Variants in FAF1 observed in about 807,000 individuals in gnomAD.
FAF1 encodes FAS-associated factor 1.
In FAF1, 25 loss-of-function variants were observed where a neutral mutation model predicts 92.5. The observed-to-expected ratio is 0.27, with a 90% CI of 0.20 to 0.38. The LOEUF (loss-of-function observed/expected upper bound fraction) is 0.38, where lower values mean the gene tolerates loss of function less well. Ranked by LOEUF, FAF1 falls within the 10% of genes least tolerant of loss-of-function variation. The probability of loss-of-function intolerance (pLI) is 1.00; values close to 1 mark genes in which losing one functional copy is unlikely to be tolerated. For missense variants in FAF1, 636 were observed against 793.3 expected, an observed-to-expected ratio of 0.80 and a Z score of 2.38; for synonymous variants, 234 against 273.2, an observed-to-expected ratio of 0.86 and a Z score of 1.42.
At chr1:50,662,056 C>G (rs1453642780) in intron 7 of FAF1, among the ~76,000 whole-genome samples, 1 of 152,120 alleles carries the variant, frequency 6.6e-6, no homozygotes, top group Admixed American at 6.6e-5. Flanking sequence ...CCCCTTCCCC[C>G]AGGGCTGGCC....
chr1:50,713,407 G>C (rs986285685), intron 6 of FAF1, among the ~76,000 whole-genome samples: 1 of 151,900 alleles, frequency 6.6e-6, no homozygotes, highest in Non-Finnish European at 1.5e-5. Context: ...CCTAGTAGCT[G>C]GGACCACAGG....
intron 8 of FAF1, among the ~76,000 whole-genome samples, chr1:50,610,152 A>G (rs898519117): frequency 2.0e-5 from 3 of 152,366 alleles, no homozygotes; most frequent in South Asian, 4.1e-4. Context: ...ACTCCAATAC[A>G]GTGGGGTTCA....
chr1:50,695,950 T>C (rs1657193795), intron 7 of FAF1, among the ~76,000 whole-genome samples: 1 of 122,462 alleles, frequency 8.2e-6, no homozygotes. Context: ...TGCTTGGCCT[T>C]TTTTTTTTTT....
chr1:50,720,576 AAC>A (rs2124453086), intron 6 of FAF1, among the ~76,000 whole-genome samples: 1 of 152,264 alleles, frequency 6.6e-6, no homozygotes, highest in Admixed American at 6.5e-5. Context: ...GCTTACTTTG[AAC>A]TGAGGGCACT....
chr1:50,814,616 C>A (rs71651160), intron 2 of FAF1, among the ~76,000 whole-genome samples: 8,445 of 152,146 alleles, frequency 0.056, 346 homozygotes, highest in Non-Finnish European at 0.087. Context: ...TAGTTAGATA[C>A]GTAAGAGTAA....
At chr1:50,741,669 G>A (rs1659394043) in intron 5 of FAF1, among the ~76,000 whole-genome samples, 1 of 152,324 alleles carries the variant, frequency 6.6e-6, no homozygotes, top group Non-Finnish European at 1.5e-5. Flanking sequence ...AGTGGCCATG[G>A]TTGAGATACA....
intron 18 of FAF1, among the ~76,000 whole-genome samples, chr1:50,452,819 T>C (rs968364553): frequency 3.3e-5 from 5 of 152,222 alleles, no homozygotes; most frequent in Non-Finnish European, 5.9e-5. Flanking sequence ...TAGCACTGCA[T>C]GTGTGCTCTT....
intron 18 of FAF1, chr1:50,452,231 C>T (rs547427895): frequency 2.6e-5 from 29 of 1,135,644 alleles, no homozygotes; most frequent in South Asian, 6.5e-5. Flanking sequence ...AAGAAAGTCC[C>T]GCTTTACAGA....
At chr1:50,492,623 G>A (rs551633728) in intron 15 of FAF1, among the ~76,000 whole-genome samples, 18 of 152,278 alleles carry the variant, frequency 1.2e-4, no homozygotes, top group African/African-American at 4.3e-4. Flanking sequence ...ACACTAGAGT[G>A]TAGGTTCCCT....
intron 7 of FAF1, among the ~76,000 whole-genome samples, chr1:50,676,407 TA>T (rs553641377): frequency 2.6e-3 from 350 of 133,740 alleles, no homozygotes; most frequent in Non-Finnish European, 2.5e-3. Context: ...AACTCTGTCT[TA>T]AAAAAAAAAA....
At chr1:50,874,531 C>A (rs1170401679) in intron 1 of FAF1, among the ~76,000 whole-genome samples, 1 of 151,900 alleles carries the variant, frequency 6.6e-6, no homozygotes, top group Non-Finnish European at 1.5e-5. Flanking sequence ...CAGCTAATTT[C>A]TTTACTTTTC....
chr1:50,483,293 G>C (rs1404232274), intron 17 of FAF1, among the ~76,000 whole-genome samples: 2 of 151,990 alleles, frequency 1.3e-5, no homozygotes, highest in Non-Finnish European at 2.9e-5. Context: ...TTGTATCTCT[G>C]TTGAAAATCA....
chr1:50,464,157 ATTCT>A (rs747821989), intron 18 of FAF1, among the ~76,000 whole-genome samples: 1 of 151,990 alleles, frequency 6.6e-6, no homozygotes, highest in Non-Finnish European at 1.5e-5. Context: ...ACCTCACTTA[ATTCT>A]TTATTTTTAA....
chr1:50,725,606 C>A (rs113113684), intron 6 of FAF1, among the ~76,000 whole-genome samples: 1 of 152,058 alleles, frequency 6.6e-6, no homozygotes, highest in African/African-American at 2.4e-5. Context: ...CAGGTGTGTG[C>A]CACCATGCCC....
intron 8 of FAF1, among the ~76,000 whole-genome samples, chr1:50,601,263 C>T (rs1652113784): frequency 6.6e-6 from 1 of 152,178 alleles, no homozygotes; most frequent in Non-Finnish European, 1.5e-5. Context: ...CTCCAGTAAA[C>T]CATCATGACT....
chr1:50,456,305 C>T (rs1163740965), intron 18 of FAF1, among the ~76,000 whole-genome samples: 1 of 152,104 alleles, frequency 6.6e-6, no homozygotes, highest in East Asian at 1.9e-4. Context: ...AGGCTGACAA[C>T]TGGCTATAAA....
chr1:50,666,942 C>T (rs997269119), intron 7 of FAF1, among the ~76,000 whole-genome samples: 1 of 152,128 alleles, frequency 6.6e-6, no homozygotes, highest in African/African-American at 2.4e-5. Context: ...GGGCAAAGCC[C>T]CTCTTATGAG....
At position 50,534,800 on chromosome 1, in the gene FAF1, A is replaced by G. The variant is rs1474064309; in HGVS notation, c.1494+569T>C. Among the ~76,000 whole-genome samples the G allele has an allele frequency of 2.0e-5, 3 of 152,112 alleles. No homozygotes were observed. In the East Asian group the frequency reaches 5.8e-4, roughly 29 times the overall value. ...AGTATTGAACACTATTGTCATCGATAATGTTTTTATTATTATTTTATTTGA... is the reference window on the plus strand; with the variant it reads ...AGTATTGAACACTATTGTCATCGATGATGTTTTTATTATTATTTTATTTGA... On this transcript the variant is annotated intron_variant, in intron 15 of 18. Coordinates refer to ENST00000396153, the MANE Select transcript of FAF1 (RefSeq NM_007051.3).
intron 4 of FAF1, among the ~76,000 whole-genome samples, chr1:50,745,727 C>A (rs528693342): frequency 6.6e-6 from 1 of 152,124 alleles, no homozygotes; most frequent in Admixed American, 6.5e-5. Context: ...CAATTAAACT[C>A]TTTTTCTTTA....
Sources: gnomAD v4.1 joint callset for allele counts (sites outside exome capture counted in the v4.1 genomes callset) on GRCh38, gnomAD v4.1.1 for gene constraint, MANE v1.5 for transcripts, NCBI Gene and HGNC (gene_info 2026-07-23, HGNC 2026-07-21) for gene names.